The following PPP1R37 variants were observed in gnomAD, a reference collection of about 807,000 sequenced individuals.
PPP1R37 encodes the protein leucine rich repeat containing 68.
Under a neutral mutation model 61.0 loss-of-function variants are expected in PPP1R37, and 21 were observed. That is an observed-to-expected ratio of 0.34 (90% CI 0.24 to 0.50). The LOEUF (loss-of-function observed/expected upper bound fraction) is 0.50. Ranked by LOEUF, PPP1R37 falls within the 20% of genes least tolerant of loss-of-function variation. PPP1R37 has a pLI of 0.98. For missense variants in PPP1R37, 910 were observed against 952.7 expected (o/e 0.96, Z 0.59); for synonymous variants, 443 against 433.5 (o/e 1.02, Z -0.27).
intron 1 of PPP1R37, among the ~76,000 whole-genome samples, chr19:45,102,108 G>A (rs184837770): frequency 2.1e-3 from 324 of 152,314 alleles, no homozygotes; most frequent in African/African-American, 7.6e-3. Flanking sequence ...TGTGAAGTCC[G>A]GTGACCTCTC....
chr19:45,140,328 C>CG, intron 3 of PPP1R37, 47 bp downstream of exon 3: 3 of 1,411,062 alleles, frequency 2.1e-6, no homozygotes, highest in Non-Finnish European at 2.8e-6. Flanking sequence ...ATGGGCAGGT[C>CG]GGGGGCTCCC....
intron 5 of PPP1R37, among the ~76,000 whole-genome samples, chr19:45,141,733 CCCA>C (rs1968614488): frequency 1.3e-5 from 2 of 152,204 alleles, no homozygotes; most frequent in South Asian, 4.1e-4. Flanking sequence ...GGTCGCCATC[CCCA>C]CGTCACTCCT....
At position 45,141,257 on chromosome 19, in the gene PPP1R37, G is replaced by A; in HGVS notation, c.448-65G>A. 8 of 1,459,368 alleles carry A rather than the reference G, an allele frequency of 5.5e-6. No homozygotes were observed. In the East Asian group the frequency reaches 7.6e-5, roughly 14 times the overall value. The allele number at this position is 1,459,368 out of a possible 1,614,324, so 90.4% of individuals were successfully genotyped here. A position where few individuals can be genotyped will look rare whatever the true frequency, so the allele number is the denominator to read the frequency against. On this transcript the variant is annotated intron_variant, in intron 4 of 12. Coordinates refer to ENST00000221462, the MANE Select transcript of PPP1R37 (RefSeq NM_019121.2). ...CGTCTCTCGGTGGGGCCCGGTGTCA[G>A]GGCCCACGCCTCTCCTCCAGGGCAG...
In PPP1R37 at chr19:45,093,240, GC is replaced by G; in HGVS notation, c.-82del. 1 of 1,108,358 alleles carries G rather than the reference GC, an allele frequency of 9.0e-7. No homozygotes were observed. The highest frequency in any genetic ancestry group is 1.2e-6 in the Non-Finnish European group (1 of 847,970). 68.7% of individuals were successfully genotyped at this position (1,108,358 alleles called of 1,614,324 possible). ...CGCCTGAAGCGGCGGCGGAGCCCATGCCCCGGGACGGCGGGCGGACCCGGAG... is the reference window on the plus strand; with the variant it reads ...CGCCTGAAGCGGCGGCGGAGCCCATGCCCGGGACGGCGGGCGGACCCGGAG... On this transcript the variant is annotated 5_prime_UTR_variant, in exon 1 of 13. The change abolishes the stop of an existing upstream ORF in the 5' untranslated region. Transcript: ENST00000221462.
intron 1 of PPP1R37, among the ~76,000 whole-genome samples, chr19:45,095,231 A>T (rs1024490711): frequency 2.0e-5 from 3 of 152,134 alleles, no homozygotes; most frequent in African/African-American, 4.8e-5. Flanking sequence ...TCTGTCGCCC[A>T]GGCCAATTCT....
At chr19:45,095,720 G>A (rs1391455863) in intron 1 of PPP1R37, among the ~76,000 whole-genome samples, 1 of 148,118 alleles carries the variant, frequency 6.8e-6, no homozygotes, top group African/African-American at 2.5e-5. Context: ...CTGTGATTGC[G>A]CCACTGAACT....
intron 1 of PPP1R37, among the ~76,000 whole-genome samples, chr19:45,117,452 G>A (rs190985859): frequency 2.0e-4 from 30 of 152,296 alleles, no homozygotes; most frequent in Non-Finnish European, 7.4e-5. Flanking sequence ...CTCAGTGCAG[G>A]GACAGGTGGT....
chr19:45,140,089 G>A, intron 2 of PPP1R37, 147 bp from the exon 3 acceptor site: 2 of 648,092 alleles, frequency 3.1e-6, no homozygotes, highest in Non-Finnish European at 5.4e-6. Context: ...GTTCCAGCTG[G>A]TGGGTGGCCT....
intron 7 of PPP1R37, 24 bp from the exon 8 acceptor site, chr19:45,143,497 G>A (rs935887606): frequency 7.1e-5 from 102 of 1,436,900 alleles, no homozygotes; most frequent in Non-Finnish European, 9.6e-5. Context: ...CCCAGACAGG[G>A]CTCTGACTGC....
intron 1 of PPP1R37, among the ~76,000 whole-genome samples, chr19:45,124,450 A>G (rs1968376694): frequency 6.6e-6 from 1 of 151,826 alleles, no homozygotes; most frequent in Non-Finnish European, 1.5e-5. Flanking sequence ...TTCTCCCAAG[A>G]GAGGTCCAGA....
intron 1 of PPP1R37, among the ~76,000 whole-genome samples, chr19:45,112,743 C>T (rs143339281): frequency 6.6e-6 from 1 of 152,324 alleles, no homozygotes; most frequent in Non-Finnish European, 1.5e-5. Flanking sequence ...GACCAGGACT[C>T]CTGTGTGGAC....
Position 45,143,636 on chromosome 19 carries a change from GAGTC to G in PPP1R37, c.987+6_987+9del. On this transcript the variant is annotated splice_donor_5th_base_variant and intron_variant, in intron 8 of 12. Coordinates refer to ENST00000221462, the MANE Select transcript of PPP1R37 (RefSeq NM_019121.2). Reference sequence around the variant, plus strand: ...TGGCCTTCCTGGGCATGACACTGGTGAGTCAGGCTGGCAGGGAAGGGAGGCACCT... The same window carrying G: ...TGGCCTTCCTGGGCATGACACTGGTGAGGCTGGCAGGGAAGGGAGGCACCT... 6.6e-7 allele frequency: 1 copy of G among 1,521,972 alleles called. No homozygotes were observed. The highest frequency in any genetic ancestry group is 8.8e-7 in the Non-Finnish European group (1 of 1,134,250). The allele number at this position is 1,521,972 out of a possible 1,614,324, so 94.3% of individuals were successfully genotyped here.
intron 1 of PPP1R37, among the ~76,000 whole-genome samples, chr19:45,132,464 TG>T (rs1302526084): frequency 1.3e-5 from 2 of 152,060 alleles, no homozygotes; most frequent in Non-Finnish European, 2.9e-5. Context: ...TGCTAATTTT[TG>T]TATTTTTTGT....
chr19:45,109,163 C>T (rs1429514891), intron 1 of PPP1R37, among the ~76,000 whole-genome samples: 2 of 152,320 alleles, frequency 1.3e-5, no homozygotes, highest in East Asian at 3.9e-4. Context: ...TATAAGGACT[C>T]CTCTATTGAA....
At chr19:45,129,025 C>T in intron 1 of PPP1R37, 1 of 836,202 alleles carries the variant, frequency 1.2e-6, no homozygotes, top group Non-Finnish European at 2.0e-6. Flanking sequence ...AAGGCCATGG[C>T]AAAAGAACTG....
At chr19:45,128,726 C>T (rs1347467040) in intron 1 of PPP1R37, 5 of 840,702 alleles carry the variant, frequency 5.9e-6, no homozygotes, top group East Asian at 6.1e-5. Flanking sequence ...AGCACAGCCG[C>T]GTCAAGGTCC....
In PPP1R37 at chr19:45,130,141, C is replaced by T. The variant is rs746355247; in HGVS notation, c.203-8373C>T. ...ACCCCTCTTGGAGCTGGAGCACTAG[C>T]GGGGGCTCAGCTGCCAAAACCCAGG... On this transcript the variant is annotated intron_variant, in intron 1 of 12. Coordinates refer to ENST00000221462, the MANE Select transcript of PPP1R37 (RefSeq NM_019121.2). This position sits in a 1 kb window ranked among gnomAD's most constrained non-coding sequence, Gnocchi z 4.4. Among the ~76,000 whole-genome samples, 5 of 152,074 alleles carry T rather than the reference C, an allele frequency of 3.3e-5. No individual in the cohort carries two copies. The highest frequency in any genetic ancestry group is 3.9e-4 in the East Asian group (2 of 5,186).
In PPP1R37 at chr19:45,145,355, G is replaced by T; in HGVS notation, c.1299G>T (p.Val433=). ...CTAGCCAGGCGCTCCCGCCACAGGT[G>T]AAGAGCTTCATCGAGACGCAGAAGG... ...DLDREPKKEA[V]KSFIETQKAL... Residue 433 remains valine, a splice_region_variant and synonymous_variant, in exon 11 of 13, where the codon GTG becomes GTT. Coordinates refer to ENST00000221462, the MANE Select transcript of PPP1R37 (RefSeq NM_019121.2). The T allele has an allele frequency of 2.6e-6, 4 of 1,534,412 alleles. No individual in the cohort carries two copies. Among genetic ancestry groups the T allele is most frequent in the Non-Finnish European group, 3.5e-6 (4 of 1,146,062 alleles).
Position 45,093,427 on chromosome 19 carries a change from C to T in PPP1R37, c.102C>T (p.Pro34=). Residue 34 remains proline (P), a synonymous_variant, in exon 1 of 13, where the codon CCC becomes CCT. Transcript: ENST00000221462. Reference sequence around the variant, plus strand: ...GGTCTCCCAGCCCCGCGTCGCCCCCCGCCGATGGGCGCCTCAAGGCTGCAG... The same window carrying T: ...GGTCTCCCAGCCCCGCGTCGCCCCCTGCCGATGGGCGCCTCAAGGCTGCAG... ...EAGSPSPASP[P]ADGRLKAAAK... is the part of the protein sequence containing the mutation. 6.5e-7 allele frequency: 1 copy of T among 1,535,044 alleles called. No homozygotes were observed. Among genetic ancestry groups the T allele is most frequent in the African/African-American group, 1.4e-5 (1 of 73,098 alleles).
Sources: allele counts gnomAD v4.1 joint callset (sites outside exome capture counted in the v4.1 genomes callset), GRCh38; gene constraint gnomAD v4.1.1; non-coding constraint Gnocchi (gnomAD v3.1); transcripts MANE v1.5; gene names NCBI Gene and HGNC (gene_info 2026-07-23, HGNC 2026-07-21).